The following NRG1 variants were observed in gnomAD, a reference collection of about 807,000 sequenced individuals.
NRG1 encodes the protein pro-neuregulin-1, membrane-bound isoform.
Under a neutral mutation model 63.8 loss-of-function variants are expected in NRG1, and 18 were observed. That is an observed-to-expected ratio of 0.28 (90% CI 0.19 to 0.42). NRG1 has a LOEUF of 0.42. NRG1 is among the 10% of genes least tolerant of loss of function. The probability of loss-of-function intolerance (pLI) is 1.00; values close to 1 mark genes in which losing one functional copy is unlikely to be tolerated. For synonymous variants in NRG1, 302 were observed against 301.3 expected, an observed-to-expected ratio of 1.00 and a Z score of -0.02; for missense variants, 762 against 814.7, an observed-to-expected ratio of 0.94 and a Z score of 0.79.
chr8:32,482,253 G>A lies in NRG1; in HGVS notation c.38-113575G>A, dbSNP rs932656688. Among the ~76,000 whole-genome samples, 7 of 152,134 alleles carry A rather than the reference G, an allele frequency of 4.6e-5. No individual in the cohort carries two copies. The South Asian group carries it at 6.2e-4, about 13-fold the overall frequency. ...GATTTGTTAAAATACTGTCACTATGGCCCACTGAAACTATCAAAATGAGGC... is the reference window on the plus strand; with the variant it reads ...GATTTGTTAAAATACTGTCACTATGACCCACTGAAACTATCAAAATGAGGC... On this transcript the variant is annotated intron_variant, in intron 1 of 10. Transcript: ENST00000519301.
chr8:31,662,079 C>T (rs1806044379), intron 1 of NRG1, among the ~76,000 whole-genome samples: 1 of 152,216 alleles, frequency 6.6e-6, no homozygotes, highest in Non-Finnish European at 1.5e-5. Flanking sequence ...AGGAACAAGA[C>T]AATACCTTAC....
chr8:31,731,711 A>G (rs1031668642), intron 1 of NRG1, among the ~76,000 whole-genome samples: 6 of 152,230 alleles, frequency 3.9e-5, no homozygotes, highest in African/African-American at 1.4e-4. Flanking sequence ...AAGCATAAAT[A>G]TTTCAGGAAA....
intron 1 of NRG1, among the ~76,000 whole-genome samples, chr8:31,917,770 G>C (rs1233551311): frequency 6.6e-6 from 1 of 152,062 alleles, no homozygotes; most frequent in Non-Finnish European, 1.5e-5. Context: ...GATGGGGATG[G>C]CATTGAATCT....
At chr8:32,138,808 C>T (rs1246442416) in intron 1 of NRG1, among the ~76,000 whole-genome samples, 1 of 152,032 alleles carries the variant, frequency 6.6e-6, no homozygotes, top group Non-Finnish European at 1.5e-5. Context: ...AACTCCTGAC[C>T]TCAAGTGATC....
At chr8:32,616,732 T>C in intron 4 of NRG1, 103 bp from the exon 5 acceptor site, 1 of 822,554 alleles carries the variant, frequency 1.2e-6, no homozygotes, top group Non-Finnish European at 2.2e-6. Flanking sequence ...CACGGTGTTC[T>C]ACTACTCTTT....
At chr8:32,043,578 G>A (rs1038102187) in intron 1 of NRG1, among the ~76,000 whole-genome samples, 15 of 151,782 alleles carry the variant, frequency 9.9e-5, no homozygotes, top group African/African-American at 3.6e-4. Context: ...AAACACTTGA[G>A]AGTCAAAAGC....
intron 1 of NRG1, among the ~76,000 whole-genome samples, chr8:31,854,447 C>T (rs956397258): frequency 1.2e-4 from 18 of 151,958 alleles, no homozygotes; most frequent in South Asian, 4.2e-4. Context: ...TCTGTGGGAT[C>T]GGTGGTGATA....
In NRG1 at chr8:31,871,612, T is replaced by G. The variant is rs539433944; in HGVS notation, c.37+232181T>G. On this transcript the variant is annotated intron_variant, in intron 1 of 10. Transcript: ENST00000519301. ...GTTTTTCAAATCCTGGGACTTTCAC[T>G]AAAAAACTGTGGTTCTTATTTTAAA... Among the ~76,000 whole-genome samples, 265 of 151,994 alleles carry G rather than the reference T, an allele frequency of 1.7e-3. 2 individuals are homozygous for G. The highest frequency in any genetic ancestry group is 6.3e-3 in the African/African-American group (260 of 41,442).
intron 5 of NRG1, among the ~76,000 whole-genome samples, chr8:32,628,042 C>T (rs1283022975): frequency 1.3e-5 from 2 of 152,194 alleles, no homozygotes; most frequent in African/African-American, 4.8e-5. Context: ...CCATTTCTTT[C>T]ACAAATAATG....
At chr8:32,487,682 G>A (rs558476412) in intron 1 of NRG1, among the ~76,000 whole-genome samples, 1 of 152,178 alleles carries the variant, frequency 6.6e-6, no homozygotes, top group Admixed American at 6.5e-5. Flanking sequence ...TGAGCATTTG[G>A]TGCCACTGAA....
At chr8:32,760,289 C>A (rs781261652) in exon 11 of NRG1, 6 of 1,613,910 alleles carry the variant, frequency 3.7e-6, no homozygotes, top group Non-Finnish European at 5.1e-6. Flanking sequence ...CACAGCAGCC[C>A]AACTGGGGGC....
intron 1 of NRG1, among the ~76,000 whole-genome samples, chr8:31,983,923 G>A (rs1295368217): frequency 6.6e-6 from 1 of 152,030 alleles, no homozygotes. Context: ...GAAGAATGTC[G>A]AAGACCAAAG....
intron 1 of NRG1, among the ~76,000 whole-genome samples, chr8:31,709,019 T>G (rs1218018004): frequency 6.6e-6 from 1 of 152,134 alleles, no homozygotes; most frequent in African/African-American, 2.4e-5. Flanking sequence ...TTTTCTTAAA[T>G]TTTTCTATAT....
At chr8:31,837,447 A>AATTACC (rs1825782257) in intron 1 of NRG1, among the ~76,000 whole-genome samples, 1 of 152,084 alleles carries the variant, frequency 6.6e-6, no homozygotes, top group Admixed American at 6.6e-5. Context: ...CATATTGTGA[A>AATTACC]ATAATCAAAT....
At chr8:32,234,949 A>G (rs2129469279) in intron 1 of NRG1, among the ~76,000 whole-genome samples, 1 of 152,220 alleles carries the variant, frequency 6.6e-6, no homozygotes, top group East Asian at 1.9e-4. Flanking sequence ...CAGGACAAGT[A>G]TGTTGTAAGA....
intron 1 of NRG1, among the ~76,000 whole-genome samples, chr8:32,039,617 A>T (rs568876087): frequency 6.6e-6 from 1 of 152,326 alleles, no homozygotes; most frequent in Non-Finnish European, 1.5e-5. Flanking sequence ...GCTTGTCAGA[A>T]ATTAAACAAA....
intron 1 of NRG1, among the ~76,000 whole-genome samples, chr8:32,012,986 A>G (rs1269611430): frequency 6.6e-6 from 1 of 152,130 alleles, no homozygotes; most frequent in Non-Finnish European, 1.5e-5. Flanking sequence ...TGAATGAGAA[A>G]GAGATGAAAC....
At chr8:32,271,155 G>T (rs1319348056) in intron 1 of NRG1, among the ~76,000 whole-genome samples, 1 of 151,964 alleles carries the variant, frequency 6.6e-6, no homozygotes, top group Non-Finnish European at 1.5e-5. Context: ...TCCTAAACCA[G>T]AGAATTTTCC....
intron 1 of NRG1, among the ~76,000 whole-genome samples, chr8:32,172,652 G>A (rs1282481980): frequency 6.6e-6 from 1 of 152,220 alleles, no homozygotes; most frequent in African/African-American, 2.4e-5. Context: ...TAAAGGACCT[G>A]ATGGAGCTGA....
Sources: allele counts gnomAD v4.1 joint callset (sites outside exome capture counted in the v4.1 genomes callset), GRCh38; gene constraint gnomAD v4.1.1; transcripts MANE v1.5; gene names NCBI Gene and HGNC (gene_info 2026-07-23, HGNC 2026-07-21).